The following NLGN1 variants were observed in gnomAD, a reference collection of about 807,000 sequenced individuals.
The protein encoded by NLGN1 is neuroligin-1.
In NLGN1, 12 loss-of-function variants were observed where a neutral mutation model predicts 65.5. That is an observed-to-expected ratio of 0.18 (90% CI 0.12 to 0.30). The LOEUF is 0.30. NLGN1 is among the 10% of genes least tolerant of loss of function. The pLI is 1.00. For synonymous variants in NLGN1, 350 were observed against 359.5 expected (o/e 0.97, Z 0.30); for missense variants, 750 against 1,007.1 (o/e 0.74, Z 3.46).
At chr3:173,904,091 G>T (rs772623330) in intron 4 of NLGN1, among the ~76,000 whole-genome samples, 1 of 152,024 alleles carries the variant, frequency 6.6e-6, no homozygotes, top group Non-Finnish European at 1.5e-5. Context: ...CAACTTACAC[G>T]ACTGTGGGCT....
At chr3:174,204,122 T>C (rs4894657) in intron 4 of NLGN1, among the ~76,000 whole-genome samples, 4,331 of 152,304 alleles carry the variant, frequency 0.028, 80 homozygotes, top group Middle Eastern at 0.078. Context: ...ATGAAATATG[T>C]GTTTTTCTCC....
At chr3:173,689,749 A>C (rs1230846766) in intron 3 of NLGN1, among the ~76,000 whole-genome samples, 1 of 152,116 alleles carries the variant, frequency 6.6e-6, no homozygotes, top group African/African-American at 2.4e-5. Context: ...TGCCCCATTC[A>C]ATTAGGTACC....
intron 3 of NLGN1, among the ~76,000 whole-genome samples, chr3:173,622,727 A>T (rs1404843496): frequency 6.6e-6 from 1 of 152,136 alleles, no homozygotes. Context: ...GGCAGATATT[A>T]CACCCATGGC....
intron 4 of NLGN1, among the ~76,000 whole-genome samples, chr3:174,198,535 A>T (rs1423911721): frequency 6.6e-6 from 1 of 152,252 alleles, no homozygotes; most frequent in Non-Finnish European, 1.5e-5. Context: ...GTACAAATAT[A>T]CAAATTTCTA....
At chr3:173,415,943 A>T (rs62290045) in intron 1 of NLGN1, among the ~76,000 whole-genome samples, 3 of 142,828 alleles carry the variant, frequency 2.1e-5, no homozygotes, top group Non-Finnish European at 3.0e-5. Context: ...AGAGAGAGAG[A>T]GCTTGGTATA....
intron 4 of NLGN1, among the ~76,000 whole-genome samples, chr3:174,273,719 AAC>A (rs1487014114): frequency 6.6e-6 from 1 of 151,638 alleles, no homozygotes; most frequent in African/African-American, 2.4e-5. Flanking sequence ...GGATTCCACA[AAC>A]ACAGACACAC....
chr3:173,853,231 G>A (rs1241408156), intron 4 of NLGN1, among the ~76,000 whole-genome samples: 1 of 152,168 alleles, frequency 6.6e-6, no homozygotes, highest in Middle Eastern at 3.2e-3. Flanking sequence ...AAGGTTGGCA[G>A]GTAGCAAACT....
At chr3:173,551,818 AT>A (rs2149266555) in intron 2 of NLGN1, among the ~76,000 whole-genome samples, 1 of 152,318 alleles carries the variant, frequency 6.6e-6, no homozygotes, top group African/African-American at 2.4e-5. Context: ...CACTCATATA[AT>A]GGTAACTATT....
chr3:173,998,777 T>A (rs1304373791), intron 4 of NLGN1, among the ~76,000 whole-genome samples: 1 of 152,194 alleles, frequency 6.6e-6, no homozygotes, highest in Non-Finnish European at 1.5e-5. Flanking sequence ...CCAGTGGTCA[T>A]GCTGATTCCA....
intron 2 of NLGN1, among the ~76,000 whole-genome samples, chr3:173,468,835 A>T (rs1724823484): frequency 6.6e-6 from 1 of 150,608 alleles, no homozygotes. Context: ...AACTGAAAAT[A>T]AAAAAAAATT....
intron 4 of NLGN1, among the ~76,000 whole-genome samples, chr3:174,095,996 T>A (rs984685247): frequency 1.4e-5 from 2 of 144,406 alleles, no homozygotes; most frequent in African/African-American, 2.7e-5. Flanking sequence ...CGAGACTCCA[T>A]CTAAAAAAAT....
intron 4 of NLGN1, among the ~76,000 whole-genome samples, chr3:174,153,045 C>A (rs935154981): frequency 6.6e-6 from 1 of 152,080 alleles, no homozygotes; most frequent in African/African-American, 2.4e-5. Context: ...CCTCCCATCT[C>A]CATCACTATG....
intron 2 of NLGN1, among the ~76,000 whole-genome samples, chr3:173,598,086 ATAT>A (rs1749801217): frequency 1.3e-5 from 2 of 151,282 alleles, no homozygotes; most frequent in Non-Finnish European, 2.9e-5. Context: ...CCTTTCGTTG[ATAT>A]TTGATAAAAA....
intron 2 of NLGN1, among the ~76,000 whole-genome samples, chr3:173,503,258 G>A (rs959897089): frequency 6.6e-6 from 1 of 152,026 alleles, no homozygotes; most frequent in Non-Finnish European, 1.5e-5. Context: ...CTGCAATATG[G>A]AAATGAAACA....
At chr3:174,001,365 T>G (rs1479398804) in intron 4 of NLGN1, among the ~76,000 whole-genome samples, 1 of 151,796 alleles carries the variant, frequency 6.6e-6, no homozygotes, top group Non-Finnish European at 1.5e-5. Context: ...AAATTGGGAA[T>G]AGAAGTAAGT....
At chr3:174,090,807 G>A (rs936404970) in intron 4 of NLGN1, among the ~76,000 whole-genome samples, 8 of 151,458 alleles carry the variant, frequency 5.3e-5, no homozygotes, top group Non-Finnish European at 2.9e-5. Flanking sequence ...CTTGCTACTC[G>A]AAGTGTGGTT....
intron 3 of NLGN1, among the ~76,000 whole-genome samples, chr3:173,683,436 G>A (rs1764249270): frequency 6.6e-6 from 1 of 152,116 alleles, no homozygotes; most frequent in South Asian, 2.1e-4. Flanking sequence ...TGTCACTACT[G>A]AGGATATGGA....
intron 4 of NLGN1, among the ~76,000 whole-genome samples, chr3:174,085,619 C>G (rs1258047551): frequency 6.6e-6 from 1 of 151,948 alleles, no homozygotes; most frequent in Non-Finnish European, 1.5e-5. Context: ...ATATTTTGTA[C>G]TTTATCCTTC....
intron 3 of NLGN1, among the ~76,000 whole-genome samples, chr3:173,634,970 C>A (rs549177210): frequency 1.3e-5 from 2 of 152,192 alleles, no homozygotes; most frequent in East Asian, 3.9e-4. Context: ...GGGATTTTAT[C>A]ATTATGAGAC....
Sources: gnomAD v4.1 joint callset for allele counts (sites outside exome capture counted in the v4.1 genomes callset) on GRCh38, gnomAD v4.1.1 for gene constraint, MANE v1.5 for transcripts, NCBI Gene and HGNC (gene_info 2026-07-23, HGNC 2026-07-21) for gene names.